Variants in OTULINL observed in about 807,000 individuals in gnomAD.
OTULINL encodes OTU deubiquitinase with linear linkage specificity like.
A neutral mutation model predicts 43.9 loss-of-function variants in OTULINL; 42 were observed. That is an observed-to-expected ratio of 0.96 (90% CI 0.75 to 1.24). The LOEUF (loss-of-function observed/expected upper bound fraction) is 1.24, where lower values mean the gene tolerates loss of function less well. OTULINL is among the 50% of genes most tolerant of loss of function. The pLI, the probability that OTULINL is intolerant of heterozygous loss-of-function variation, is 0.00. For missense variants in OTULINL, 411 were observed against 426.4 expected (o/e 0.96, Z 0.32); for synonymous variants, 172 against 153.6 (o/e 1.12, Z -0.88).
At chr5:14,583,174 G>A (rs1759045320) in intron 1 of OTULINL, among the ~76,000 whole-genome samples, 1 of 152,198 alleles carries the variant, frequency 6.6e-6, no homozygotes, top group South Asian at 2.1e-4. Context: ...GTTGGGTGCA[G>A]TGGAAACAGC....
intron 1 of OTULINL, among the ~76,000 whole-genome samples, chr5:14,592,068 G>A (rs1759213418): frequency 6.6e-6 from 1 of 152,148 alleles, no homozygotes; most frequent in Non-Finnish European, 1.5e-5. Context: ...CCACATGGCC[G>A]ATGAGACCTA....
chr5:14,582,046 C>T (rs1478784009), intron 1 of OTULINL, 88 bp downstream of exon 1: 6 of 993,886 alleles, frequency 6.0e-6, no homozygotes, highest in Non-Finnish European at 7.7e-6. Flanking sequence ...GGGACGCGCC[C>T]TCCTCGGCGG....
chr5:14,601,204 A>C lies in OTULINL; in HGVS notation c.225-9A>C, dbSNP rs774770807. The C allele has an allele frequency of 2.5e-6, 4 of 1,611,864 alleles. No individual in the cohort carries two copies. The highest frequency in any genetic ancestry group is 3.4e-6 in the Non-Finnish European group (4 of 1,179,252). The stretch of plus-strand genomic sequence containing the variant: ...AATTCTGATATTATTGTTCCCTTTT[A>C]TCTTTCAGGTGGATTGGATATCTGC... On this transcript the variant is annotated splice_polypyrimidine_tract_variant and intron_variant, in intron 2 of 7. Coordinates refer to ENST00000274217, the MANE Select transcript of OTULINL (RefSeq NM_019018.3).
At chr5:14,608,364 T>C (rs966233105) in intron 6 of OTULINL, among the ~76,000 whole-genome samples, 1 of 152,220 alleles carries the variant, frequency 6.6e-6, no homozygotes, top group Non-Finnish European at 1.5e-5. Context: ...TCCTGTTTTA[T>C]AGACAGCTGT....
chr5:14,599,512 G>GT (rs1319320196), intron 1 of OTULINL, among the ~76,000 whole-genome samples: 6 of 151,850 alleles, frequency 4.0e-5, no homozygotes, highest in Non-Finnish European at 7.4e-5. Flanking sequence ...AATTGCTAGT[G>GT]TTTTTTTCTT....
intron 1 of OTULINL, among the ~76,000 whole-genome samples, chr5:14,582,814 C>CAAAAAAAA (rs57907300): frequency 1.8e-5 from 1 of 55,016 alleles, no homozygotes; most frequent in East Asian, 5.6e-4. Flanking sequence ...TTGCTCTGTC[C>CAAAAAAAA]AAAAAAAAAA....
intron 5 of OTULINL, among the ~76,000 whole-genome samples, chr5:14,605,420 C>T (rs1180734985): frequency 2.6e-5 from 4 of 151,836 alleles, no homozygotes; most frequent in Admixed American, 1.3e-4. Context: ...GGGCGTGGTG[C>T]GGGTGCTGCT....
At position 14,611,341 on chromosome 5, in the gene OTULINL, G is replaced by C. The variant is rs186993175; in HGVS notation, c.*1027G>C. 1 of 152,378 alleles carries C rather than the reference G, an allele frequency of 6.6e-6. No homozygotes were observed. Among genetic ancestry groups the C allele is most frequent in the East Asian group, 1.9e-4 (1 of 5,192 alleles). The allele number at this position is 152,378 out of a possible 1,614,324, so 9.4% of individuals were successfully genotyped here. A position where few individuals can be genotyped will look rare whatever the true frequency, so the allele number is the denominator to read the frequency against. ...AAAAGTGGAAGAGGGAATTGGAAGAGTGTCAGAGTCAGAGGGGAATGTGAA... is the reference window on the plus strand; with the variant it reads ...AAAAGTGGAAGAGGGAATTGGAAGACTGTCAGAGTCAGAGGGGAATGTGAA... On this transcript the variant is annotated 3_prime_UTR_variant, in exon 8 of 8. Transcript: ENST00000274217.
intron 1 of OTULINL, among the ~76,000 whole-genome samples, chr5:14,595,640 C>CTTTTTTTTTTTTTTTTTTTTTTTTTT (rs61482298): frequency 3.5e-5 from 2 of 57,112 alleles, no homozygotes; most frequent in Non-Finnish European, 6.3e-5. Flanking sequence ...AAAAACGGTG[C>CTTTTTTTTTTTTTTTTTTTTTTTTTT]TTTTTTTTTT....
chr5:14,581,854 C>T lies in OTULINL; in HGVS notation c.-41C>T, dbSNP rs1269305948. 7.2e-6 allele frequency: 10 copies of T among 1,382,704 alleles called. No individual in the cohort carries two copies. Among genetic ancestry groups the T allele is most frequent in the Non-Finnish European group, 9.4e-6 (10 of 1,068,822 alleles). 85.7% of individuals were successfully genotyped at this position (1,382,704 alleles called of 1,614,324 possible). ...GTCGCGTCTGACAGACCACTGCAGA[C>T]CACGGGCCGAGGCCCAGCGCCCGTC... On this transcript the variant is annotated 5_prime_UTR_variant, in exon 1 of 8. Coordinates refer to ENST00000274217, the MANE Select transcript of OTULINL (RefSeq NM_019018.3).
At chr5:14,590,669 T>C (rs1235775061) in intron 1 of OTULINL, among the ~76,000 whole-genome samples, 2 of 152,136 alleles carry the variant, frequency 1.3e-5, no homozygotes, top group Non-Finnish European at 2.9e-5. Context: ...ACTTCTCAGT[T>C]GGTCCCAGGG....
chr5:14,598,337 A>C (rs888340740), intron 1 of OTULINL, among the ~76,000 whole-genome samples: 2 of 152,182 alleles, frequency 1.3e-5, no homozygotes, highest in Non-Finnish European at 2.9e-5. Context: ...TGTACAGGAG[A>C]GCTTTCCTTG....
chr5:14,594,179 A>G (rs980617786), intron 1 of OTULINL, among the ~76,000 whole-genome samples: 3 of 152,204 alleles, frequency 2.0e-5, no homozygotes, highest in Non-Finnish European at 4.4e-5. Flanking sequence ...AAGAACCAAC[A>G]CAATTTAAAC....
At position 14,607,845 on chromosome 5, in the gene OTULINL, C is replaced by T. The variant is rs550580892; in HGVS notation, c.627+387C>T. Among the ~76,000 whole-genome samples the T allele has an allele frequency of 2.6e-5, 4 of 152,338 alleles. No individual in the cohort carries two copies. In the South Asian group the frequency reaches 8.3e-4, roughly 32 times the overall value. On this transcript the variant is annotated intron_variant, in intron 6 of 7. Coordinates refer to ENST00000274217, the MANE Select transcript of OTULINL (RefSeq NM_019018.3). ...AGATGTAATAATTTGACTAAGACTT[C>T]TTCCTGTCTTTCAATAATGACACAG...
chr5:14,609,031 A>C lies in OTULINL; in HGVS notation c.897+14A>C, dbSNP rs1232084879. ...GGACTAGAGCAGGTAACCGGGGAGG[A>C]AGAACTGCTTGTATTTGATTAAGGA... is the stretch of plus-strand genomic sequence containing the variant. On this transcript the variant is annotated intron_variant, in intron 7 of 7. Transcript: ENST00000274217. The C allele has an allele frequency of 6.3e-7, 1 of 1,599,742 alleles. No individual in the cohort carries two copies. The highest frequency in any genetic ancestry group is 8.5e-7 in the Non-Finnish European group (1 of 1,171,468).
chr5:14,583,711 C>T (rs1280871031), intron 1 of OTULINL, among the ~76,000 whole-genome samples: 1 of 152,212 alleles, frequency 6.6e-6, no homozygotes, highest in Non-Finnish European at 1.5e-5. Flanking sequence ...CAAAACATAA[C>T]TTCTGATGAC....
In OTULINL at chr5:14,615,572, G is replaced by A. The variant is rs745461706; in HGVS notation, c.*5258G>A. Among the ~76,000 whole-genome samples, 5 of 152,152 alleles carry A rather than the reference G, an allele frequency of 3.3e-5. No individual in the cohort carries two copies. Among genetic ancestry groups the A allele is most frequent in the Non-Finnish European group, 7.3e-5 (5 of 68,036 alleles). ...TAAAAAGGGCCAGAGATGAGGGGAC[G>A]CCTGGTGAAAATGGTGTTTGTTGTA... On this transcript the variant is annotated 3_prime_UTR_variant, in exon 8 of 8. Coordinates refer to ENST00000274217, the MANE Select transcript of OTULINL (RefSeq NM_019018.3).
rs1759522732 is a variant in OTULINL at position 14,608,790 on chromosome 5, A to G, written c.670A>G (p.Ser224Gly). 1.2e-6 allele frequency: 2 copies of G among 1,612,696 alleles called. No individual in the cohort carries two copies. The highest frequency in any genetic ancestry group is 1.7e-6 in the Non-Finnish European group (2 of 1,178,820). ...NGIRDYHKRG[S>G]MCNTLFSDAI... is the part of the protein sequence containing the mutation. The stretch of plus-strand genomic sequence containing the variant: ...CATTAGAGATTATCACAAGAGAGGA[A>G]GTATGTGCAACACCCTTTTTTCAGA... The change falls in exon 7 of 8, where the codon AGT becomes GGT. Residue 224 changes from serine (S) to glycine (G), a missense_variant. Physicochemically the swap from Ser to Gly is moderately conservative, Grantham distance 56 (BLOSUM62 0). Coordinates refer to ENST00000274217, the MANE Select transcript of OTULINL (RefSeq NM_019018.3).
chr5:14,595,538 A>G (rs1579919681), intron 1 of OTULINL, among the ~76,000 whole-genome samples: 1 of 135,886 alleles, frequency 7.4e-6, no homozygotes, highest in African/African-American at 2.8e-5. Flanking sequence ...GTGTGTGTGT[A>G]TTTGGTTTCC....
Sources: allele counts gnomAD v4.1 joint callset (sites outside exome capture counted in the v4.1 genomes callset), GRCh38; gene constraint gnomAD v4.1.1; transcripts MANE v1.5; gene names NCBI Gene and HGNC (gene_info 2026-07-23, HGNC 2026-07-21).